ADSS1: variants seen among roughly 807,000 people sequenced by gnomAD.
ADSS1 encodes adenylosuccinate synthase 1.
A neutral mutation model predicts 59.1 loss-of-function variants in ADSS1; 57 were observed. The observed-to-expected ratio is 0.97, with a 90% CI of 0.78 to 1.20. ADSS1 has a LOEUF of 1.20. Among genes scored for constraint, ADSS1 ranks in the 50% most tolerant of loss-of-function variants. The pLI, the probability that ADSS1 is intolerant of heterozygous loss-of-function variation, is 0.00. For missense variants in ADSS1, 603 were observed against 610.3 expected (o/e 0.99, Z 0.13); for synonymous variants, 247 against 249.4 (o/e 0.99, Z 0.09).
intron 1 of ADSS1, 34 bp downstream of exon 1, chr14:104,724,496 GCCCAGCGA>G: frequency 9.7e-6 from 3 of 310,042 alleles, no homozygotes; most frequent in Non-Finnish European, 1.3e-5. Context: ...CTCCCCCACC[GCCCAGCGA>G]GCCCCCCTCC....
intron 1 of ADSS1, among the ~76,000 whole-genome samples, chr14:104,728,105 G>A (rs1890773060): frequency 6.6e-6 from 1 of 152,322 alleles, no homozygotes; most frequent in Non-Finnish European, 1.5e-5. Context: ...GTGGGAGCTG[G>A]CATCCTGTGC....
intron 1 of ADSS1, among the ~76,000 whole-genome samples, 176 bp from the exon 2 acceptor site, chr14:104,734,844 C>G (rs962001427): frequency 5.3e-5 from 8 of 152,336 alleles, no homozygotes; most frequent in African/African-American, 1.4e-4. Flanking sequence ...TTCCAAGGTG[C>G]AGGATGCCCA....
Position 104,741,728 on chromosome 14 carries a change from C to T in ADSS1, c.794-120C>T, listed in dbSNP as rs933985249. 8.1e-6 allele frequency: 11 copies of T among 1,362,762 alleles called. No homozygotes were observed. In the African/African-American group the frequency reaches 1.3e-4, roughly 16 times the overall value. The allele number at this position is 1,362,762 out of a possible 1,614,324, so 84.4% of individuals were successfully genotyped here. On this transcript the variant is annotated intron_variant, in intron 8 of 12. Coordinates refer to ENST00000330877, the MANE Select transcript of ADSS1 (RefSeq NM_152328.5). Reference sequence around the variant, plus strand: ...AGGACAGGCCAGGCTGGCGACCCCACGGAGGGGGCCCCCCACGGTTTGAAC... The same window carrying T: ...AGGACAGGCCAGGCTGGCGACCCCATGGAGGGGGCCCCCCACGGTTTGAAC...
chr14:104,726,810 T>C (rs945262459), intron 1 of ADSS1, among the ~76,000 whole-genome samples: 1 of 152,196 alleles, frequency 6.6e-6, no homozygotes, highest in African/African-American at 2.4e-5. Flanking sequence ...CTGGGCCGCA[T>C]CTGGGAGGCA....
chr14:104,734,009 C>T (rs1315250936), intron 1 of ADSS1, among the ~76,000 whole-genome samples: 2 of 152,224 alleles, frequency 1.3e-5, no homozygotes, highest in Non-Finnish European at 2.9e-5. Context: ...ACAGGGGTCT[C>T]TTATGGTGGC....
At chr14:104,742,746 C>A (rs936428789) in intron 9 of ADSS1, among the ~76,000 whole-genome samples, 4 of 152,184 alleles carry the variant, frequency 2.6e-5, no homozygotes, top group Admixed American at 6.5e-5. Context: ...CCCCCAGCTG[C>A]CCATGGCAGG....
chr14:104,725,210 C>T lies in ADSS1; in HGVS notation c.192+748C>T, dbSNP rs765506844. Among the ~76,000 whole-genome samples, 5 of 152,182 alleles carry T rather than the reference C, an allele frequency of 3.3e-5. No individual in the cohort carries two copies. In the South Asian group the frequency reaches 1.0e-3, roughly 31 times the overall value. ...TGCCAGCCGGCAGCTGCTCTCAGCG[C>T]CCCCATCTGTTCTGACTGAGCTGCA... On this transcript the variant is annotated intron_variant, in intron 1 of 12. Coordinates refer to ENST00000330877, the MANE Select transcript of ADSS1 (RefSeq NM_152328.5).
At chr14:104,726,388 G>T (rs752939309) in intron 1 of ADSS1, among the ~76,000 whole-genome samples, 10 of 152,206 alleles carry the variant, frequency 6.6e-5, no homozygotes, top group Non-Finnish European at 1.5e-4. Flanking sequence ...GGATCTCAGC[G>T]GGGCGCCGCT....
In ADSS1 at chr14:104,743,210, C is replaced by A; in HGVS notation, c.1073+19C>A. 1 of 1,607,520 alleles carries A rather than the reference C, an allele frequency of 6.2e-7. No homozygotes were observed. The highest frequency in any genetic ancestry group is 8.5e-7 in the Non-Finnish European group (1 of 1,179,390). On this transcript the variant is annotated intron_variant, in intron 10 of 12. Transcript: ENST00000330877. ...TCACTGCGTAAGCAACCCATGCTGC[C>A]ATCCCCACTGGGACCGTCCCTGACT...
chr14:104,739,497 G>A (rs951824318), intron 4 of ADSS1, 119 bp downstream of exon 4: 16 of 1,184,898 alleles, frequency 1.4e-5, no homozygotes, highest in Admixed American at 4.1e-5. Context: ...TGCTCCACAT[G>A]GCTCCATTAG....
intron 1 of ADSS1, among the ~76,000 whole-genome samples, chr14:104,733,987 C>T (rs953808309): frequency 6.6e-6 from 1 of 152,226 alleles, no homozygotes; most frequent in Non-Finnish European, 1.5e-5. Context: ...CAGGCTCTGT[C>T]ACACTGGGCC....
At chr14:104,733,724 T>A (rs1453674138) in intron 1 of ADSS1, among the ~76,000 whole-genome samples, 1 of 151,962 alleles carries the variant, frequency 6.6e-6, no homozygotes, top group Non-Finnish European at 1.5e-5. Context: ...TGGGGCTGGA[T>A]CTGGGCTCTG....
chr14:104,736,883 TATATATATATA>T lies in ADSS1; in HGVS notation c.296-1492_296-1482del, dbSNP rs1318897371. Among the ~76,000 whole-genome samples the T allele has an allele frequency of 1.6e-3, 70 of 44,140 alleles. 3 individuals are homozygous for T. The highest frequency in any genetic ancestry group is 8.8e-3 in the African/African-American group (68 of 7,758). The allele number at this position is 44,140 out of a possible 152,430, so 29.0% of individuals were successfully genotyped here. A position where few individuals can be genotyped will look rare whatever the true frequency, so the allele number is the denominator to read the frequency against. The stretch of plus-strand genomic sequence containing the variant: ...GGCTTATGCCACCGCACCTAGCTGA[TATATATATATA>T]TATATATATATATATATATGCATTT... On this transcript the variant is annotated intron_variant, in intron 2 of 12. Transcript: ENST00000330877.
At chr14:104,737,149 C>G (rs1382330007) in intron 2 of ADSS1, 1 of 152,046 alleles carries the variant, frequency 6.6e-6, no homozygotes, top group East Asian at 1.9e-4. Flanking sequence ...GTACATTCTA[C>G]CAGTCTGGAC....
Position 104,746,251 on chromosome 14 carries a change from T to A in ADSS1, c.1187T>A (p.Leu396His). 6 of 1,611,156 alleles carry A rather than the reference T, an allele frequency of 3.7e-6. No homozygotes were observed. Among genetic ancestry groups the A allele is most frequent in the Non-Finnish European group, 5.1e-6 (6 of 1,177,950 alleles). ...CTTCCCCCAGCTAACCAGGAGATGC[T>A]TCAGAAGGTCGAAGTTGAGTATGAA... is the stretch of plus-strand genomic sequence containing the variant. ...IPYFPANQEMLQKVEVEYETL... is the reference protein window; with the variant it reads ...IPYFPANQEMHQKVEVEYETL... Residue 396 changes from leucine (L) to histidine (H), a missense_variant, in exon 12 of 13, where the codon CTT becomes CAT. Transcript: ENST00000330877.
chr14:104,724,762 G>T (rs1023049671), intron 1 of ADSS1, among the ~76,000 whole-genome samples: 1 of 152,108 alleles, frequency 6.6e-6, no homozygotes. Flanking sequence ...TTAGGGGGTG[G>T]CGCATGCCAT....
chr14:104,740,736 G>C lies in ADSS1; in HGVS notation c.584+28G>C. 3 of 1,613,420 alleles carry C rather than the reference G, an allele frequency of 1.9e-6. No individual in the cohort carries two copies. Among genetic ancestry groups the C allele is most frequent in the Non-Finnish European group, 2.5e-6 (3 of 1,179,452 alleles). The stretch of plus-strand genomic sequence containing the variant: ...ACCTGAGCCGTCTGCAGTCCCCGGG[G>C]AGGATGGGGAGAAGTTGCCGGAAGG... On this transcript the variant is annotated intron_variant, in intron 6 of 12. Transcript: ENST00000330877. This position sits in a 1 kb window ranked among gnomAD's most constrained non-coding sequence, Gnocchi z 4.8.
intron 1 of ADSS1, chr14:104,729,981 C>T (rs1317231894): frequency 1.3e-6 from 2 of 1,596,622 alleles, no homozygotes; most frequent in Non-Finnish European, 1.7e-6. Context: ...AGCTCGTCCC[C>T]AGCTCACAGC....
chr14:104,738,773 G>C (rs1343417563), intron 3 of ADSS1, among the ~76,000 whole-genome samples: 1 of 152,230 alleles, frequency 6.6e-6, no homozygotes, highest in African/African-American at 2.4e-5. Context: ...GGCTCCTGGG[G>C]GCTCTGCGGA....
Sources: gnomAD v4.1 joint callset for allele counts (sites outside exome capture counted in the v4.1 genomes callset) on GRCh38, gnomAD v4.1.1 for gene constraint, Gnocchi (gnomAD v3.1) non-coding constraint, MANE v1.5 for transcripts, NCBI Gene and HGNC (gene_info 2026-07-23, HGNC 2026-07-21) for gene names.